DOCK10: variants seen among roughly 807,000 people sequenced by gnomAD.
The protein encoded by DOCK10 is dedicator of cytokinesis 10, also known as dedicator of cytokinesis protein 10.
DOCK10 carries 145 observed loss-of-function variants against 280.1 expected under a neutral mutation model. The observed-to-expected ratio is 0.52, with a 90% CI of 0.45 to 0.59. The LOEUF (loss-of-function observed/expected upper bound fraction) is 0.59, where lower values mean the gene tolerates loss of function less well. DOCK10 is among the 20% of genes least tolerant of loss of function. DOCK10 has a pLI of 0.00. For missense variants in DOCK10, 2,368 were observed against 2,651.7 expected, an observed-to-expected ratio of 0.89 and a Z score of 2.35; for synonymous variants, 915 against 942.2, an observed-to-expected ratio of 0.97 and a Z score of 0.53.
intron 1 of DOCK10, chr2:224,947,135 A>G (rs1192104480): frequency 9.2e-7 from 1 of 1,084,006 alleles, no homozygotes; most frequent in Non-Finnish European, 1.2e-6. Flanking sequence ...TCCTGTGAGT[A>G]ACTAACTACC....
In DOCK10 at chr2:225,034,355, C is replaced by A. The variant is rs538870446; in HGVS notation, c.123+7897G>T. 1.9e-3 allele frequency among the ~76,000 whole-genome samples: 292 copies of A among 152,250 alleles called. 2 individuals carry two copies. The highest frequency in any genetic ancestry group is 3.1e-3 in the Non-Finnish European group (208 of 68,010). ...TTTCCTCATCTATAAAATGAGAATA[C>A]CAACATTTTGCCATATGGTTGCTAT... On this transcript the variant is annotated intron_variant, in intron 1 of 55. Coordinates refer to ENST00000258390, the MANE Select transcript of DOCK10 (RefSeq NM_014689.3).
At position 224,864,564 on chromosome 2, in the gene DOCK10, C is replaced by T. The variant is rs759956125; in HGVS notation, c.1591G>A (p.Asp531Asn). The change falls in exon 13 of 56, where the codon GAC (aspartate) becomes AAC (asparagine). Residue 531 changes from aspartate to asparagine, a missense_variant. By Grantham distance (23) the Asp-to-Asn change is conservative. This residue lies in a region of DOCK10 where 1,209 missense variants were observed against 1,250.9 expected (regional missense o/e 0.97). Transcript: ENST00000258390. ...AGATTATACATTACCTTGTTGGAGT[C>T]TGGGTTCTTAATATAAGGTTCGGCA... Reference protein sequence around the residue: ...SGAEPYIKNPDSNKYAQKILK... With the variant: ...SGAEPYIKNPNSNKYAQKILK... The T allele has an allele frequency of 1.9e-6, 3 of 1,597,786 alleles. No homozygotes were observed. The highest frequency in any genetic ancestry group is 2.2e-5 in the East Asian group (1 of 44,772).
intron 50 of DOCK10, among the ~76,000 whole-genome samples, chr2:224,782,371 G>A (rs1375275825): frequency 1.3e-5 from 2 of 151,994 alleles, no homozygotes; most frequent in East Asian, 3.9e-4. Context: ...TAATTCCAGG[G>A]GCATCTGATA....
chr2:224,777,646 G>A (rs1690971173), intron 51 of DOCK10, among the ~76,000 whole-genome samples: 1 of 152,176 alleles, frequency 6.6e-6, no homozygotes, highest in Non-Finnish European at 1.5e-5. Flanking sequence ...CACAAAACTG[G>A]TTTCCTTGCT....
At chr2:224,804,410 G>A (rs976158822) in intron 38 of DOCK10, among the ~76,000 whole-genome samples, 197 bp from the exon 39 acceptor site, 2 of 150,614 alleles carry the variant, frequency 1.3e-5, no homozygotes, top group Non-Finnish European at 2.9e-5. Flanking sequence ...GTTGTCTCAT[G>A]AGAAAATGAT....
chr2:225,010,524 A>G (rs1197446042), intron 1 of DOCK10: 1 of 154,252 alleles, frequency 6.5e-6, no homozygotes, highest in African/African-American at 2.4e-5. Context: ...AAATGCCTCC[A>G]AGGTATCAGT....
At chr2:224,883,290 A>G (rs1699081789) in intron 7 of DOCK10, among the ~76,000 whole-genome samples, 1 of 152,190 alleles carries the variant, frequency 6.6e-6, no homozygotes, top group African/African-American at 2.4e-5. Context: ...TTCAATAAAG[A>G]ATTGACTTCC....
intron 1 of DOCK10, among the ~76,000 whole-genome samples, chr2:224,959,109 G>A (rs189535512): frequency 6.6e-6 from 1 of 152,164 alleles, no homozygotes; most frequent in Non-Finnish European, 1.5e-5. Context: ...AATTTGTGTT[G>A]ACTTCTTCTT....
intron 30 of DOCK10, among the ~76,000 whole-genome samples, chr2:224,815,213 A>C (rs1355518734): frequency 6.6e-6 from 1 of 152,130 alleles, no homozygotes; most frequent in African/African-American, 2.4e-5. Context: ...TCCTGCCGCC[A>C]TGTGAAGAAG....
At chr2:224,827,892 G>A (rs1277866426) in intron 27 of DOCK10, among the ~76,000 whole-genome samples, 1 of 152,132 alleles carries the variant, frequency 6.6e-6, no homozygotes, top group African/African-American at 2.4e-5. Flanking sequence ...CATAGACCTG[G>A]GGCCTAGAAG....
At chr2:224,791,214 G>A (rs377658095) in intron 47 of DOCK10, among the ~76,000 whole-genome samples, 125 of 152,220 alleles carry the variant, frequency 8.2e-4, no homozygotes, top group African/African-American at 2.8e-3. Context: ...TTTATGGAAC[G>A]TTACGGCATC....
Position 224,786,028 on chromosome 2 carries a change from C to T in DOCK10, c.5655+994G>A, listed in dbSNP as rs1400429515. Among the ~76,000 whole-genome samples, 1 of 152,050 alleles carries T rather than the reference C, an allele frequency of 6.6e-6. No individual in the cohort carries two copies. Among genetic ancestry groups the T allele is most frequent in the African/African-American group, 2.4e-5 (1 of 41,420 alleles). The stretch of plus-strand genomic sequence containing the variant: ...TGGCCAACATAATGAAACCCTGTCT[C>T]TACTAAAAAATACAAAAATTAGCTG... On this transcript the variant is annotated intron_variant, in intron 50 of 55. Transcript: ENST00000258390. This position sits in a 1 kb window ranked among gnomAD's most constrained non-coding sequence, Gnocchi z 4.7.
rs911941974 is a variant in DOCK10, at chr2:224,804,266, T to G, written c.4167-53A>C. ...TAGCTCAGTGTTTGTAATTTACATATAAAAATGAATGGCAACTGACAAAAC... is the reference window on the plus strand; with the variant it reads ...TAGCTCAGTGTTTGTAATTTACATAGAAAAATGAATGGCAACTGACAAAAC... On this transcript the variant is annotated intron_variant, in intron 38 of 55. Coordinates refer to ENST00000258390, the MANE Select transcript of DOCK10 (RefSeq NM_014689.3). 36 of 1,021,536 alleles carry G rather than the reference T, an allele frequency of 3.5e-5. No individual in the cohort carries two copies. The African/African-American group carries it at 5.1e-4, about 15-fold the overall frequency. The allele number at this position is 1,021,536 out of a possible 1,614,324, so 63.3% of individuals were successfully genotyped here.
chr2:224,883,360 C>A (rs1331573476), intron 7 of DOCK10, among the ~76,000 whole-genome samples: 1 of 145,620 alleles, frequency 6.9e-6, no homozygotes, highest in African/African-American at 2.8e-5. Flanking sequence ...TTGAATGAAT[C>A]AGTAGGTTAA....
chr2:225,016,389 T>G (rs1165308151), intron 1 of DOCK10, among the ~76,000 whole-genome samples: 1 of 151,780 alleles, frequency 6.6e-6, no homozygotes, highest in East Asian at 1.9e-4. Context: ...AAAGGAAATA[T>G]TATGATGTTC....
chr2:224,803,384 T>C (rs776112155), intron 39 of DOCK10, among the ~76,000 whole-genome samples: 1 of 152,176 alleles, frequency 6.6e-6, no homozygotes, highest in African/African-American at 2.4e-5. Context: ...ACGACTCTTA[T>C]ATTTCTTTCT....
At position 225,000,962 on chromosome 2, in the gene DOCK10, A is replaced by G. The variant is rs115204538; in HGVS notation, c.123+41290T>C. On this transcript the variant is annotated intron_variant, in intron 1 of 55. Coordinates refer to ENST00000258390, the MANE Select transcript of DOCK10 (RefSeq NM_014689.3). ...CTGCACTGTAGCCTAGGCAAGAGTG[A>G]GACTCCATCTCAAAAAGAAAAAAAA... 3.7e-3 allele frequency among the ~76,000 whole-genome samples: 561 copies of G among 152,358 alleles called. 7 individuals are homozygous for G. The highest frequency in any genetic ancestry group is 0.013 in the African/African-American group (522 of 41,582).
At chr2:224,982,500 T>C (rs1705802128) in intron 1 of DOCK10, 1 of 1,224,626 alleles carries the variant, frequency 8.2e-7, no homozygotes, top group Admixed American at 4.3e-5. Flanking sequence ...CCTTGAGCTC[T>C]GATCATCTGA....
chr2:224,841,160 A>G (rs1211698979), intron 23 of DOCK10, among the ~76,000 whole-genome samples: 1 of 152,154 alleles, frequency 6.6e-6, no homozygotes, highest in African/African-American at 2.4e-5. Flanking sequence ...AGCTAGATAG[A>G]TAGGAGGAAT....
Sources: allele counts gnomAD v4.1 joint callset (sites outside exome capture counted in the v4.1 genomes callset), GRCh38; gene constraint gnomAD v4.1.1; regional missense constraint gnomAD v4.1.1; non-coding constraint Gnocchi (gnomAD v3.1); transcripts MANE v1.5; gene names NCBI Gene and HGNC (gene_info 2026-07-23, HGNC 2026-07-21).